Variants in AGBL4 observed in about 807,000 individuals in gnomAD.
AGBL4 encodes cytosolic carboxypeptidase 6.
AGBL4 carries 58 observed loss-of-function variants against 66.4 expected under a neutral mutation model. That is an observed-to-expected ratio of 0.87 (90% CI 0.71 to 1.09). The LOEUF (loss-of-function observed/expected upper bound fraction) is 1.09, where lower values mean the gene tolerates loss of function less well. AGBL4 is among the 50% of genes least tolerant of loss of function. The probability of loss-of-function intolerance (pLI) is 0.00; values close to 1 mark genes in which losing one functional copy is unlikely to be tolerated. For missense variants in AGBL4, 579 were observed against 631.0 expected, an observed-to-expected ratio of 0.92 and a Z score of 0.88; for synonymous variants, 234 against 222.9, an observed-to-expected ratio of 1.05 and a Z score of -0.44.
chr1:49,696,750 G>A (rs1351889308), intron 3 of AGBL4, among the ~76,000 whole-genome samples: 1 of 152,034 alleles, frequency 6.6e-6, no homozygotes, highest in African/African-American at 2.4e-5. Flanking sequence ...TAAAAGCAAA[G>A]TCAGTACACA....
intron 3 of AGBL4, among the ~76,000 whole-genome samples, chr1:49,595,060 A>T (rs1250722596): frequency 6.6e-6 from 1 of 151,996 alleles, no homozygotes; most frequent in Admixed American, 6.6e-5. Context: ...AATAATCACC[A>T]TTCTGATTGT....
At chr1:48,965,065 CATCTTTCCAAATTTT>C (rs1198528559) in intron 5 of AGBL4, among the ~76,000 whole-genome samples, 1 of 152,112 alleles carries the variant, frequency 6.6e-6, no homozygotes, top group Non-Finnish European at 1.5e-5. Context: ...TTACTTTTTC[CATCTTTCCAAATTTT>C]ATCTTTCCAT....
chr1:48,770,329 A>C (rs985634407), intron 6 of AGBL4, among the ~76,000 whole-genome samples: 1 of 152,176 alleles, frequency 6.6e-6, no homozygotes, highest in Non-Finnish European at 1.5e-5. Flanking sequence ...AAGAAACCCA[A>C]ACAAGCCTAG....
chr1:49,886,019 G>A (rs1361441177), intron 1 of AGBL4, among the ~76,000 whole-genome samples: 1 of 152,150 alleles, frequency 6.6e-6, no homozygotes, highest in Non-Finnish European at 1.5e-5. Flanking sequence ...GAAAAAAACA[G>A]TGGCTCATTT....
intron 3 of AGBL4, among the ~76,000 whole-genome samples, chr1:49,652,130 C>T (rs1397351544): frequency 1.3e-5 from 2 of 151,908 alleles, no homozygotes; most frequent in Non-Finnish European, 2.9e-5. Flanking sequence ...CTAATTAGCC[C>T]AATCAGTCAA....
intron 3 of AGBL4, among the ~76,000 whole-genome samples, chr1:49,655,731 C>T (rs902948040): frequency 1.3e-5 from 2 of 152,122 alleles, no homozygotes; most frequent in African/African-American, 4.8e-5. Context: ...GATAGAGATA[C>T]AAAATCTCTT....
chr1:49,143,693 T>C (rs911941838), intron 4 of AGBL4, among the ~76,000 whole-genome samples: 4 of 152,044 alleles, frequency 2.6e-5, no homozygotes, highest in Non-Finnish European at 5.9e-5. Context: ...TAGAAAACAG[T>C]AACTCACAGA....
intron 2 of AGBL4, among the ~76,000 whole-genome samples, chr1:49,799,236 A>G (rs1038085645): frequency 3.3e-5 from 5 of 152,286 alleles, no homozygotes; most frequent in African/African-American, 1.2e-4. Context: ...GGCCTACTTC[A>G]CTATGGGAAA....
intron 6 of AGBL4, among the ~76,000 whole-genome samples, chr1:48,779,201 C>A (rs1389220502): frequency 3.3e-5 from 5 of 152,210 alleles, no homozygotes; most frequent in Admixed American, 3.3e-4. Context: ...AAAATGATTT[C>A]AAGTAGCCAA....
chr1:49,036,832 T>G lies in AGBL4; in HGVS notation c.594+8752A>C, dbSNP rs537027737. On this transcript the variant is annotated intron_variant, in intron 5 of 13. Transcript: ENST00000371839. ...TCAGTTTTTCAGCCTTGTCTTGGTATCTTTATAGGCCTGACTATGAGCTAA... is the reference window on the plus strand; with the variant it reads ...TCAGTTTTTCAGCCTTGTCTTGGTAGCTTTATAGGCCTGACTATGAGCTAA... Among the ~76,000 whole-genome samples the G allele has an allele frequency of 8.6e-5, 13 of 151,860 alleles. No individual in the cohort carries two copies. The East Asian group carries it at 2.5e-3, about 30-fold the overall frequency.
intron 3 of AGBL4, among the ~76,000 whole-genome samples, chr1:49,255,185 C>T (rs1473197730): frequency 1.3e-5 from 2 of 152,086 alleles, no homozygotes; most frequent in Admixed American, 1.3e-4. Flanking sequence ...AACTAAAGAG[C>T]TTCTAAAAGC....
At chr1:49,548,585 C>T (rs1455975408) in intron 3 of AGBL4, among the ~76,000 whole-genome samples, 1 of 152,158 alleles carries the variant, frequency 6.6e-6, no homozygotes, top group Non-Finnish European at 1.5e-5. Context: ...CATTTATTGA[C>T]TTGCATATGT....
chr1:49,757,396 T>C (rs1651969992), intron 2 of AGBL4, among the ~76,000 whole-genome samples: 1 of 152,190 alleles, frequency 6.6e-6, no homozygotes, highest in African/African-American at 2.4e-5. Flanking sequence ...CATGTGACTT[T>C]AGAATTGGGT....
chr1:49,135,256 G>A (rs1239224066), intron 4 of AGBL4, among the ~76,000 whole-genome samples: 1 of 151,790 alleles, frequency 6.6e-6, no homozygotes, highest in Non-Finnish European at 1.5e-5. Context: ...AATGTTTGTG[G>A]GTTATTGCTA....
At chr1:49,988,314 G>A (rs781413113) in intron 1 of AGBL4, among the ~76,000 whole-genome samples, 1 of 152,028 alleles carries the variant, frequency 6.6e-6, no homozygotes, top group Non-Finnish European at 1.5e-5. Context: ...CACAGTATTT[G>A]AGAATACCAA....
chr1:49,616,744 A>G (rs1163601105), intron 3 of AGBL4, among the ~76,000 whole-genome samples: 2 of 152,076 alleles, frequency 1.3e-5, no homozygotes, highest in Admixed American at 1.3e-4. Context: ...TTCCTATTTC[A>G]TTAGCAGCAA....
intron 3 of AGBL4, among the ~76,000 whole-genome samples, chr1:49,478,879 TTTTG>T (rs57041264): frequency 0.32 from 48,244 of 151,510 alleles, 8,465 homozygotes; most frequent in East Asian, 0.72. Flanking sequence ...TTAATTTTCT[TTTTG>T]TTTGTTTGTT....
intron 6 of AGBL4, among the ~76,000 whole-genome samples, chr1:48,715,516 A>T (rs750773315): frequency 3.2e-4 from 49 of 152,230 alleles, no homozygotes; most frequent in Non-Finnish European, 6.0e-4. Context: ...TCTCTGCTCT[A>T]CCCCATTATC....
chr1:48,717,061 ACACAGAAGAGCAGGCGCGGATAGTG>A (rs1409293796), intron 6 of AGBL4, among the ~76,000 whole-genome samples: 1 of 152,244 alleles, frequency 6.6e-6, no homozygotes, highest in Non-Finnish European at 1.5e-5. Flanking sequence ...TATTTCAGCT[ACACAGAAGAGCAGGCGCGGATAGTG>A]CAGTGCAGTG....
Sources: allele counts gnomAD v4.1 joint callset (sites outside exome capture counted in the v4.1 genomes callset), GRCh38; gene constraint gnomAD v4.1.1; transcripts MANE v1.5; gene names NCBI Gene and HGNC (gene_info 2026-07-23, HGNC 2026-07-21).